NUP93: variants seen among roughly 807,000 people sequenced by gnomAD.
The protein encoded by NUP93 is nucleoporin 93, also known as nuclear pore complex protein Nup93.
In NUP93, 55 loss-of-function variants were observed where a neutral mutation model predicts 107.8. That is an observed-to-expected ratio of 0.51 (90% CI 0.41 to 0.64). The LOEUF is 0.64. NUP93 is among the 30% of genes least tolerant of loss of function. NUP93 has a pLI of 0.00. For missense variants in NUP93, 937 were observed against 1,044.7 expected (o/e 0.90, Z 1.42); for synonymous variants, 390 against 397.5 (o/e 0.98, Z 0.22).
intron 7 of NUP93, among the ~76,000 whole-genome samples, chr16:56,822,073 C>G (rs1384794312): frequency 4.9e-5 from 7 of 142,252 alleles, no homozygotes; most frequent in Non-Finnish European, 9.0e-5. Context: ...CCCTTTATTC[C>G]TGGCCAGTTT....
At chr16:56,749,348 A>G (rs980298210) in intron 2 of NUP93, among the ~76,000 whole-genome samples, 1 of 152,244 alleles carries the variant, frequency 6.6e-6, no homozygotes, top group African/African-American at 2.4e-5. Flanking sequence ...AAAGGCTCAG[A>G]GAAGTCAAGT....
intron 4 of NUP93, among the ~76,000 whole-genome samples, chr16:56,801,632 C>T (rs1205278513): frequency 6.6e-6 from 1 of 152,088 alleles, no homozygotes; most frequent in Non-Finnish European, 1.5e-5. Context: ...AGGCTGGTCT[C>T]GAACTGCTGA....
chr16:56,780,355 G>A (rs1054779954), intron 3 of NUP93, among the ~76,000 whole-genome samples: 2 of 152,102 alleles, frequency 1.3e-5, no homozygotes, highest in Non-Finnish European at 2.9e-5. Context: ...TTATGCATTT[G>A]GTGTTATCAC....
chr16:56,794,327 GT>G (rs1962840325), intron 3 of NUP93, among the ~76,000 whole-genome samples: 1 of 151,914 alleles, frequency 6.6e-6, no homozygotes, highest in Non-Finnish European at 1.5e-5. Context: ...AATGGTCTTT[GT>G]TTATATGTGG....
At chr16:56,795,131 C>G (rs372686089) in intron 3 of NUP93, among the ~76,000 whole-genome samples, 19 of 151,830 alleles carry the variant, frequency 1.3e-4, no homozygotes, top group African/African-American at 3.9e-4. Context: ...CCCCACTACC[C>G]CCAAACGTAG....
rs1405006040 is a variant in NUP93 at position 56,790,481 on chromosome 16, T to C, written c.298-7995T>C. ...GCTAATGAAAAGCGAGTCCACACCGTCTGATAAGCCCAGAGGCTCTCCAGG... is the reference window on the plus strand; with the variant it reads ...GCTAATGAAAAGCGAGTCCACACCGCCTGATAAGCCCAGAGGCTCTCCAGG... On this transcript the variant is annotated intron_variant, in intron 3 of 21. Coordinates refer to ENST00000308159, the MANE Select transcript of NUP93 (RefSeq NM_014669.5). 2.6e-5 allele frequency among the ~76,000 whole-genome samples: 4 copies of C among 152,320 alleles called. No homozygotes were observed. The East Asian group carries it at 7.7e-4, about 29-fold the overall frequency.
At chr16:56,780,441 C>G (rs1200133479) in intron 3 of NUP93, among the ~76,000 whole-genome samples, 1 of 152,178 alleles carries the variant, frequency 6.6e-6, no homozygotes, top group Non-Finnish European at 1.5e-5. Flanking sequence ...ATTCACTGTT[C>G]AGACACCAGT....
intron 3 of NUP93, among the ~76,000 whole-genome samples, chr16:56,760,060 T>A (rs1453916379): frequency 6.6e-6 from 1 of 152,194 alleles, no homozygotes; most frequent in African/African-American, 2.4e-5. Context: ...TCATCTAACC[T>A]TCTACTTAAT....
rs1433770856 is a variant in NUP93 at position 56,846,703 on chromosome 16, C to G, written c.*2094C>G. 6.6e-6 allele frequency: 1 copy of G among 152,144 alleles called. No homozygotes were observed. Among genetic ancestry groups the G allele is most frequent in the Admixed American group, 6.5e-5 (1 of 15,278 alleles). 9.4% of individuals were successfully genotyped at this position (152,144 alleles called of 1,614,324 possible). A position where few individuals can be genotyped will look rare whatever the true frequency, so the allele number is the denominator to read the frequency against. On this transcript the variant is annotated 3_prime_UTR_variant, in exon 22 of 22. Transcript: ENST00000308159. ...CCAGCCTAGGCGATGGAGTGAGGCT[C>G]TGATTCAAAAATAAAAATAAGAGTA...
Position 56,831,833 on chromosome 16 carries a change from T to C in NUP93, c.1086-9T>C, listed in dbSNP as rs762518478. ...ATGTATCTATCTGTCTGTTCCCTTA[T>C]GTCTGTAGATTGTCCCCAGCTACGG... is the stretch of plus-strand genomic sequence containing the variant. On this transcript the variant is annotated splice_polypyrimidine_tract_variant and intron_variant, in intron 10 of 21. Coordinates refer to ENST00000308159, the MANE Select transcript of NUP93 (RefSeq NM_014669.5). 6.8e-6 allele frequency: 11 copies of C among 1,613,474 alleles called. No homozygotes were observed. The highest frequency in any genetic ancestry group is 2.7e-5 in the African/African-American group (2 of 74,900).
chr16:56,761,526 CT>C (rs1395487481), intron 3 of NUP93, among the ~76,000 whole-genome samples: 1 of 148,764 alleles, frequency 6.7e-6, no homozygotes, highest in African/African-American at 2.5e-5. Context: ...ATGTGGTGGA[CT>C]TTTGTAATTG....
intron 3 of NUP93, among the ~76,000 whole-genome samples, chr16:56,768,770 G>A (rs1216969294): frequency 6.6e-6 from 1 of 151,284 alleles, no homozygotes; most frequent in Admixed American, 6.6e-5. Context: ...GGGAGGCTGA[G>A]GCAGGAGAAT....
At chr16:56,775,709 C>A (rs906371871) in intron 3 of NUP93, among the ~76,000 whole-genome samples, 1 of 151,902 alleles carries the variant, frequency 6.6e-6, no homozygotes, top group South Asian at 2.1e-4. Flanking sequence ...GCCTGTTTTT[C>A]CCAAAAAAAT....
At chr16:56,804,505 C>A (rs1364880467) in intron 4 of NUP93, among the ~76,000 whole-genome samples, 2 of 152,096 alleles carry the variant, frequency 1.3e-5, no homozygotes, top group Non-Finnish European at 2.9e-5. Flanking sequence ...CTAGAGTAGT[C>A]AAATTCACAG....
intron 5 of NUP93, among the ~76,000 whole-genome samples, chr16:56,816,597 G>A (rs901727772): frequency 1.3e-5 from 2 of 152,136 alleles, no homozygotes; most frequent in African/African-American, 4.8e-5. Flanking sequence ...CAGGCCCCCC[G>A]CCTCAACCCT....
intron 3 of NUP93, among the ~76,000 whole-genome samples, chr16:56,787,460 G>A (rs528883915): frequency 2.0e-5 from 3 of 152,152 alleles, no homozygotes; most frequent in African/African-American, 2.4e-5. Flanking sequence ...AATCCTGAGC[G>A]CTGTAGAAAC....
intron 21 of NUP93, among the ~76,000 whole-genome samples, chr16:56,843,929 A>G (rs187011082): frequency 2.0e-5 from 3 of 152,318 alleles, no homozygotes; most frequent in East Asian, 1.9e-4. Flanking sequence ...CAGGAATTCC[A>G]TAAATACTGT....
chr16:56,813,486 TAGG>T (rs1963358187), intron 5 of NUP93, among the ~76,000 whole-genome samples: 1 of 152,150 alleles, frequency 6.6e-6, no homozygotes, highest in African/African-American at 2.4e-5. Flanking sequence ...GGGGTTTGAG[TAGG>T]AGTTCAGGTA....
At chr16:56,735,751 C>T (rs1268443844) in intron 1 of NUP93, among the ~76,000 whole-genome samples, 1 of 150,896 alleles carries the variant, frequency 6.6e-6, no homozygotes, top group Non-Finnish European at 1.5e-5. Flanking sequence ...TCGCTTGAAC[C>T]TGGGAGGTGG....
Sources: allele counts gnomAD v4.1 joint callset (sites outside exome capture counted in the v4.1 genomes callset), GRCh38; gene constraint gnomAD v4.1.1; transcripts MANE v1.5; gene names NCBI Gene and HGNC (gene_info 2026-07-23, HGNC 2026-07-21).